The following SULF1 variants were observed in gnomAD, a reference collection of about 807,000 sequenced individuals.
SULF1 encodes extracellular sulfatase Sulf-1.
SULF1 carries 46 observed loss-of-function variants against 110.5 expected under a neutral mutation model. The observed-to-expected ratio is 0.42, with a 90% CI of 0.33 to 0.53. The LOEUF (loss-of-function observed/expected upper bound fraction) is 0.53. Ranked by LOEUF, SULF1 falls within the 20% of genes least tolerant of loss-of-function variation. The probability of loss-of-function intolerance (pLI) is 0.12; values close to 1 mark genes in which losing one functional copy is unlikely to be tolerated. For missense variants in SULF1, 941 were observed against 1,094.2 expected (o/e 0.86, Z 1.98); for synonymous variants, 371 against 387.1 (o/e 0.96, Z 0.49).
At chr8:69,586,249 G>A (rs1806452436) in intron 6 of SULF1, 108 bp from the exon 7 acceptor site, 6 of 1,186,832 alleles carry the variant, frequency 5.1e-6, no homozygotes, top group Non-Finnish European at 6.8e-6. Context: ...ATTACCTAGG[G>A]CAACTTTTGT....
chr8:69,619,335 A>T (rs1306409892), intron 13 of SULF1, among the ~76,000 whole-genome samples: 2 of 152,258 alleles, frequency 1.3e-5, no homozygotes, highest in African/African-American at 4.8e-5. Flanking sequence ...ACTGTGGCCA[A>T]CTTAAAATTA....
Position 69,660,433 on chromosome 8 carries a change from G to T in SULF1, c.*1898G>T, listed in dbSNP as rs998338022. 2.6e-5 allele frequency: 4 copies of T among 152,524 alleles called. No homozygotes were observed. The highest frequency in any genetic ancestry group is 7.2e-5 in the African/African-American group (3 of 41,418). 9.4% of individuals were successfully genotyped at this position (152,524 alleles called of 1,614,324 possible). On this transcript the variant is annotated 3_prime_UTR_variant, in exon 23 of 23. Transcript: ENST00000402687. ...AATCTGTATTCTTGAAAATATCCTT[G>T]TTGTGTATTAGGTTTTTAAATACCA...
At chr8:69,546,984 C>T (rs74830455) in intron 3 of SULF1, among the ~76,000 whole-genome samples, 4,774 of 152,256 alleles carry the variant, frequency 0.031, 227 homozygotes, top group African/African-American at 0.11. Context: ...ACACAGCTTT[C>T]CTTTGCTTGT....
At chr8:69,549,648 G>A (rs1814548780) in intron 3 of SULF1, among the ~76,000 whole-genome samples, 1 of 152,176 alleles carries the variant, frequency 6.6e-6, no homozygotes, top group Admixed American at 6.5e-5. Flanking sequence ...ACTCATTAAG[G>A]TGTGGGTTAA....
chr8:69,585,940 T>G (rs963253854), intron 6 of SULF1, among the ~76,000 whole-genome samples: 1 of 152,244 alleles, frequency 6.6e-6, no homozygotes. Context: ...AATAGTAAGT[T>G]AGAAAACTTA....
upstream of SULF1, among the ~76,000 whole-genome samples, chr8:69,488,172 AG>A (rs1809779293): frequency 1.3e-5 from 2 of 152,238 alleles, no homozygotes; most frequent in South Asian, 2.1e-4. Context: ...CTTTGTTTCT[AG>A]GGCTGAGACT....
chr8:69,632,899 G>A lies in SULF1; in HGVS notation c.2284+3220G>A, dbSNP rs967601873. 2.2e-4 allele frequency among the ~76,000 whole-genome samples: 34 copies of A among 151,902 alleles called. No homozygotes were observed. In the East Asian group the frequency reaches 3.1e-3, roughly 14 times the overall value. ...AAATTAGCCGGGCTTGGTGGTGCCC[G>A]CCTGTAGTCCCAGCTACTCGGGAGG... On this transcript the variant is annotated intron_variant, in intron 19 of 22. Transcript: ENST00000402687.
At chr8:69,605,561 A>C (rs927194704) in intron 13 of SULF1, among the ~76,000 whole-genome samples, 1 of 152,236 alleles carries the variant, frequency 6.6e-6, no homozygotes, top group African/African-American at 2.4e-5. Context: ...GTAAGAATAA[A>C]AGAAATACTG....
chr8:69,582,950 C>T (rs2150758113), intron 6 of SULF1, among the ~76,000 whole-genome samples: 1 of 152,242 alleles, frequency 6.6e-6, no homozygotes, highest in East Asian at 1.9e-4. Flanking sequence ...AAAAGAATTC[C>T]AACTACACGT....
chr8:69,521,426 T>C (rs995361972), intron 3 of SULF1, among the ~76,000 whole-genome samples: 2 of 152,020 alleles, frequency 1.3e-5, no homozygotes, highest in Admixed American at 1.3e-4. Context: ...TGGGTTGCAG[T>C]GTTAAAGAGG....
intron 3 of SULF1, among the ~76,000 whole-genome samples, chr8:69,552,668 A>T (rs1457892784): frequency 6.6e-6 from 1 of 152,236 alleles, no homozygotes; most frequent in Non-Finnish European, 1.5e-5. Flanking sequence ...TTGATCCAAT[A>T]CTTAACCAAC....
chr8:69,581,656 A>G (rs1300701670), intron 6 of SULF1, among the ~76,000 whole-genome samples: 4 of 152,260 alleles, frequency 2.6e-5, no homozygotes, highest in Non-Finnish European at 5.9e-5. Flanking sequence ...ACATGTAGAC[A>G]TAATGGCAGT....
chr8:69,618,593 G>C (rs542568559), intron 13 of SULF1, among the ~76,000 whole-genome samples: 2 of 152,168 alleles, frequency 1.3e-5, no homozygotes, highest in Non-Finnish European at 2.9e-5. Flanking sequence ...TTAGTCGCCT[G>C]TCTGTCCCTT....
intron 2 of SULF1, among the ~76,000 whole-genome samples, chr8:69,496,697 A>G (rs577064067): frequency 1.3e-5 from 2 of 152,356 alleles, no homozygotes; most frequent in South Asian, 2.1e-4. Flanking sequence ...TACTCAAGCC[A>G]TTTAAACTTG....
intron 1 of SULF1, among the ~76,000 whole-genome samples, chr8:69,476,013 A>T (rs528884156): frequency 9.2e-5 from 14 of 152,304 alleles, no homozygotes; most frequent in Non-Finnish European, 1.5e-5. Context: ...TCTGCATAAC[A>T]CCTATATAAT....
At chr8:69,582,534 C>T (rs544947487) in intron 6 of SULF1, among the ~76,000 whole-genome samples, 1 of 152,084 alleles carries the variant, frequency 6.6e-6, no homozygotes, top group East Asian at 1.9e-4. Context: ...TTATTATCAC[C>T]ATAGTGGCTT....
chr8:69,475,741 G>A (rs985957102), intron 1 of SULF1, among the ~76,000 whole-genome samples: 1 of 152,172 alleles, frequency 6.6e-6, no homozygotes, highest in Non-Finnish European at 1.5e-5. Flanking sequence ...AAATATATGT[G>A]TATATCAATG....
At position 69,638,873 on chromosome 8, in the gene SULF1, A is replaced by C. The variant is rs1437385316; in HGVS notation, c.2551+15A>C. On this transcript the variant is annotated intron_variant, in intron 21 of 22. Coordinates refer to ENST00000402687, the MANE Select transcript of SULF1 (RefSeq NM_001128205.2). Reference sequence around the variant, plus strand: ...TCTTGATGTTGGTAAGGAAAAAAATACTATTTTTTCTATTTTACCTGGAAA... The same window carrying C: ...TCTTGATGTTGGTAAGGAAAAAAATCCTATTTTTTCTATTTTACCTGGAAA... 4 of 1,596,176 alleles carry C rather than the reference A, an allele frequency of 2.5e-6. No homozygotes were observed. In the African/African-American group the frequency reaches 5.4e-5, roughly 22 times the overall value.
chr8:69,629,701 C>A, intron 19 of SULF1, 22 bp downstream of exon 19: 1 of 1,571,122 alleles, frequency 6.4e-7, no homozygotes. Flanking sequence ...GTTCCAAATG[C>A]CACTTCCTGC....
Sources: gnomAD v4.1 joint callset for allele counts (sites outside exome capture counted in the v4.1 genomes callset) on GRCh38, gnomAD v4.1.1 for gene constraint, MANE v1.5 for transcripts, NCBI Gene and HGNC (gene_info 2026-07-23, HGNC 2026-07-21) for gene names.